The following HEBP1 variants were observed in gnomAD, a reference collection of about 807,000 sequenced individuals.
The protein encoded by HEBP1 is heme binding protein 1.
In HEBP1, 13 loss-of-function variants were observed where a neutral mutation model predicts 20.4. The observed-to-expected ratio is 0.64, with a 90% CI of 0.42 to 1.01. HEBP1 has a LOEUF of 1.01. Ranked by LOEUF, HEBP1 falls within the 50% of genes least tolerant of loss-of-function variation. The pLI, the probability that HEBP1 is intolerant of heterozygous loss-of-function variation, is 0.00. For missense variants in HEBP1, 241 were observed against 247.3 expected (o/e 0.97, Z 0.17); for synonymous variants, 92 against 90.7 (o/e 1.01, Z -0.08).
Position 12,996,276 on chromosome 12 carries a change from G to A in HEBP1, c.78+3761C>T, listed in dbSNP as rs1045668494. 6.6e-6 allele frequency among the ~76,000 whole-genome samples: 1 copy of A among 152,226 alleles called. No homozygotes were observed. Among genetic ancestry groups the A allele is most frequent in the Non-Finnish European group, 1.5e-5 (1 of 68,040 alleles). ...ATAGTGGAGCCAGGACTCAAAGCCA[G>A]GCTATCAGGTCCTAACCTGTGTGCA... On this transcript the variant is annotated intron_variant, in intron 1 of 3. Transcript: ENST00000014930. The surrounding 1 kb of genome is among the most constrained non-coding windows in gnomAD (Gnocchi z 4.1).
chr12:12,979,197 G>A (rs951194819), intron 3 of HEBP1, among the ~76,000 whole-genome samples: 1 of 152,180 alleles, frequency 6.6e-6, no homozygotes, highest in Non-Finnish European at 1.5e-5. Flanking sequence ...AGCAGAGAGT[G>A]AGATGGAGAA....
chr12:12,978,199 G>GTTTTTTTT (rs76634642), intron 3 of HEBP1, among the ~76,000 whole-genome samples: 4 of 75,056 alleles, frequency 5.3e-5, no homozygotes, highest in Non-Finnish European at 7.4e-5. Context: ...CTACGAAAGG[G>GTTTTTTTT]TTTTTTTTTT....
Position 12,975,487 on chromosome 12 carries a change from T to C in HEBP1, c.399-8A>G. On this transcript the variant is annotated splice_polypyrimidine_tract_variant and splice_region_variant and intron_variant, in intron 3 of 3. Coordinates refer to ENST00000014930, the MANE Select transcript of HEBP1 (RefSeq NM_015987.5). Reference sequence around the variant, plus strand: ...GCATAACCACCAAACTGCCTGGGGGTTCAAGAGCAAGGGCTGGTTACGAAA... The same window carrying C: ...GCATAACCACCAAACTGCCTGGGGGCTCAAGAGCAAGGGCTGGTTACGAAA... The C allele has an allele frequency of 6.3e-7, 1 of 1,597,566 alleles. No homozygotes were observed. The highest frequency in any genetic ancestry group is 1.1e-5 in the South Asian group (1 of 88,898).
At chr12:12,985,253 TA>T (rs1170774314) in intron 3 of HEBP1, among the ~76,000 whole-genome samples, 1 of 152,132 alleles carries the variant, frequency 6.6e-6, no homozygotes, top group African/African-American at 2.4e-5. Context: ...GATTATATTT[TA>T]AAAAAATCTT....
rs776635117 is a variant in HEBP1, at chr12:12,989,304, T to C, written c.190A>G (p.Lys64Glu). 1 of 1,614,210 alleles carries C rather than the reference T, an allele frequency of 6.2e-7. No individual in the cohort carries two copies. Among genetic ancestry groups the C allele is most frequent in the Non-Finnish European group, 8.5e-7 (1 of 1,180,028 alleles). The change falls in exon 2 of 4, where the codon AAG (lysine) becomes GAG (glutamate). Residue 64 changes from lysine to glutamate, a missense_variant. Physicochemically the swap from Lys to Glu is moderately conservative, Grantham distance 56. Coordinates refer to ENST00000014930, the MANE Select transcript of HEBP1 (RefSeq NM_015987.5). The stretch of plus-strand genomic sequence containing the variant: ...TTGTCATTGGTGCCCCCCGCATACT[T>C]TGCGACCTTGGGCATTGCTTCCCGT... ...ALREAMPKVA[K>E]YAGGTNDKGI...
intron 3 of HEBP1, chr12:12,979,127 G>T (rs1010173666): frequency 1.3e-5 from 2 of 152,186 alleles, no homozygotes; most frequent in Non-Finnish European, 2.9e-5. Flanking sequence ...TAAATGGTGG[G>T]TGAAGAAAGA....
At chr12:12,993,167 C>T (rs1013971386) in intron 1 of HEBP1, among the ~76,000 whole-genome samples, 1 of 107,716 alleles carries the variant, frequency 9.3e-6, no homozygotes, top group African/African-American at 4.1e-5. Flanking sequence ...TCCTTCCTTC[C>T]TCTCTCTCTC....
chr12:12,988,258 GT>G (rs942345977), intron 2 of HEBP1, among the ~76,000 whole-genome samples: 1 of 152,090 alleles, frequency 6.6e-6, no homozygotes, highest in Non-Finnish European at 1.5e-5. Flanking sequence ...AGGGAATACT[GT>G]TTTGTTATTT....
At chr12:12,993,391 C>T (rs1864250438) in intron 1 of HEBP1, among the ~76,000 whole-genome samples, 1 of 151,540 alleles carries the variant, frequency 6.6e-6, no homozygotes, top group Non-Finnish European at 1.5e-5. Context: ...GACAGGGTTT[C>T]ACCACGTTGC....
intron 3 of HEBP1, among the ~76,000 whole-genome samples, chr12:12,977,935 C>T (rs1864015171): frequency 6.6e-6 from 1 of 152,090 alleles, no homozygotes; most frequent in South Asian, 2.1e-4. Flanking sequence ...ATGTTGGACC[C>T]CTTGGTTAAA....
chr12:12,975,507 A>G (rs1320646523), intron 3 of HEBP1, 28 bp from the exon 4 acceptor site: 1 of 1,585,704 alleles, frequency 6.3e-7, no homozygotes, highest in Non-Finnish European at 8.5e-7. Context: ...AGGGCTGGTT[A>G]CGAAAGGACA....
At chr12:12,979,687 A>G (rs916134488) in intron 3 of HEBP1, 2 of 152,216 alleles carry the variant, frequency 1.3e-5, no homozygotes, top group Non-Finnish European at 2.9e-5. Context: ...AAGTCTATAC[A>G]TTATCTTTGT....
intron 3 of HEBP1, among the ~76,000 whole-genome samples, chr12:12,981,098 A>G (rs1363922180): frequency 2.0e-5 from 3 of 152,186 alleles, no homozygotes; most frequent in Non-Finnish European, 4.4e-5. Context: ...ACCTGTGTAG[A>G]TGGAAGGGAA....
chr12:12,999,922 C>T (rs1376818707), intron 1 of HEBP1, 115 bp downstream of exon 1: 3 of 589,508 alleles, frequency 5.1e-6, no homozygotes, highest in African/African-American at 3.8e-5. Flanking sequence ...CACCAGAACG[C>T]ACCTTCGATA....
At chr12:12,977,030 T>C (rs891687598) in intron 3 of HEBP1, among the ~76,000 whole-genome samples, 1 of 152,206 alleles carries the variant, frequency 6.6e-6, no homozygotes, top group Non-Finnish European at 1.5e-5. Context: ...AACTGTTCTC[T>C]AGGAAAAGGG....
Position 12,989,283 on chromosome 12 carries a change from C to T in HEBP1, c.211G>A (p.Asp71Asn). The change falls in exon 2 of 4, where the codon GAC (aspartate) becomes AAC (asparagine). Residue 71 changes from aspartate to asparagine, a missense_variant. Asp to Asn is a conservative substitution (Grantham distance 23). Coordinates refer to ENST00000014930, the MANE Select transcript of HEBP1 (RefSeq NM_015987.5). ...ATCCTGCAGGGGTACTCACCCTTGT[C>T]ATTGGTGCCCCCCGCATACTTTGCG... is the stretch of plus-strand genomic sequence containing the variant. ...KVAKYAGGTNDKGIGMGMTVP... is the reference protein window; with the variant it reads ...KVAKYAGGTNNKGIGMGMTVP... 6.2e-7 allele frequency: 1 copy of T among 1,614,048 alleles called. No homozygotes were observed. Among genetic ancestry groups the T allele is most frequent in the Non-Finnish European group, 8.5e-7 (1 of 1,180,012 alleles).
intron 3 of HEBP1, chr12:12,983,479 T>C (rs763332804): frequency 4.8e-5 from 14 of 293,682 alleles, no homozygotes; most frequent in Non-Finnish European, 8.2e-5. Context: ...GAATTAATTT[T>C]GTCATTGAAT....
chr12:12,982,915 A>G (rs1864105144), intron 3 of HEBP1, among the ~76,000 whole-genome samples: 1 of 152,180 alleles, frequency 6.6e-6, no homozygotes, highest in Non-Finnish European at 1.5e-5. Flanking sequence ...TTGAGTAGGT[A>G]TTTACAGGTA....
At chr12:12,978,577 G>A (rs4763312) in intron 3 of HEBP1, among the ~76,000 whole-genome samples, 4,213 of 152,218 alleles carry the variant, frequency 0.028, 73 homozygotes, top group Admixed American at 0.043. Flanking sequence ...GGCAGTGGAG[G>A]GACAGGGGAA....
Sources: allele counts gnomAD v4.1 joint callset (sites outside exome capture counted in the v4.1 genomes callset), GRCh38; gene constraint gnomAD v4.1.1; non-coding constraint Gnocchi (gnomAD v3.1); transcripts MANE v1.5; gene names NCBI Gene and HGNC (gene_info 2026-07-23, HGNC 2026-07-21).